CTNNBL1: variants seen among roughly 807,000 people sequenced by gnomAD.
CTNNBL1 encodes beta-catenin-like protein 1.
CTNNBL1 carries 31 observed loss-of-function variants against 72.7 expected under a neutral mutation model. The ratio of observed to expected loss-of-function variants is 0.43; its 90% CI spans 0.32 to 0.58. The LOEUF (loss-of-function observed/expected upper bound fraction) is 0.58. Ranked by LOEUF, CTNNBL1 falls within the 20% of genes least tolerant of loss-of-function variation. The pLI, the probability that CTNNBL1 is intolerant of heterozygous loss-of-function variation, is 0.08. For missense variants in CTNNBL1, 534 were observed against 725.1 expected, an observed-to-expected ratio of 0.74 and a Z score of 3.03; for synonymous variants, 240 against 267.3, an observed-to-expected ratio of 0.90 and a Z score of 1.00.
At chr20:37,860,976 G>T (rs963220947) in intron 15 of CTNNBL1, among the ~76,000 whole-genome samples, 1 of 152,206 alleles carries the variant, frequency 6.6e-6, no homozygotes, top group Non-Finnish European at 1.5e-5. Flanking sequence ...TCAGTACTGT[G>T]TGCAGTTTCA....
In CTNNBL1 at chr20:37,860,039, A is replaced by G. The variant is rs1488638377; in HGVS notation, c.1530+3A>G. 1.2e-5 allele frequency: 20 copies of G among 1,613,878 alleles called. No homozygotes were observed. The highest frequency in any genetic ancestry group is 7.7e-5 in the South Asian group (7 of 91,064). ...TCTGCAATGCCAATGTCCCCCAGGTAGGAGGGTCTTCCCCTGGATGGGCTT... is the reference window on the plus strand; with the variant it reads ...TCTGCAATGCCAATGTCCCCCAGGTGGGAGGGTCTTCCCCTGGATGGGCTT... On this transcript the variant is annotated splice_donor_region_variant and intron_variant, in intron 14 of 15. Transcript: ENST00000361383.
rs994469898 is a variant in CTNNBL1, at chr20:37,769,988, C to A, written c.750+1944C>A. On this transcript the variant is annotated intron_variant, in intron 7 of 15. Transcript: ENST00000361383. The stretch of plus-strand genomic sequence containing the variant: ...CCGTTTGTTCCCATTAAATCTGTAA[C>A]CTTGATTTACATAACATATTGGCCC... 2.0e-5 allele frequency among the ~76,000 whole-genome samples: 3 copies of A among 152,314 alleles called. No individual in the cohort carries two copies. The South Asian group carries it at 6.2e-4, about 32-fold the overall frequency.
intron 13 of CTNNBL1, among the ~76,000 whole-genome samples, chr20:37,845,770 T>G (rs911603287): frequency 6.6e-5 from 10 of 152,114 alleles, no homozygotes; most frequent in African/African-American, 2.4e-4. Flanking sequence ...TAGCAAATAT[T>G]TGTCGACTTG....
chr20:37,699,103 A>G (rs550248573), intron 1 of CTNNBL1, among the ~76,000 whole-genome samples: 2 of 152,318 alleles, frequency 1.3e-5, no homozygotes, highest in African/African-American at 2.4e-5. Context: ...TTTTATAGAC[A>G]TGAAAGATGC....
chr20:37,794,537 A>T (rs1194971669), intron 10 of CTNNBL1, among the ~76,000 whole-genome samples: 4 of 151,822 alleles, frequency 2.6e-5, no homozygotes, highest in African/African-American at 9.7e-5. Flanking sequence ...CTGTCACTCA[A>T]GCTGGAGTGC....
intron 10 of CTNNBL1, among the ~76,000 whole-genome samples, chr20:37,781,063 T>TA (rs1406283568): frequency 1.3e-5 from 2 of 152,146 alleles, no homozygotes; most frequent in African/African-American, 2.4e-5. Flanking sequence ...AAACAATTTT[T>TA]AAAAAAATGC....
At chr20:37,846,906 TA>T (rs2072351695) in intron 13 of CTNNBL1, among the ~76,000 whole-genome samples, 1 of 152,188 alleles carries the variant, frequency 6.6e-6, no homozygotes, top group Admixed American at 6.5e-5. Flanking sequence ...AACCTGTAAT[TA>T]TTTCATTTAT....
At chr20:37,739,810 A>C (rs185386663) in intron 3 of CTNNBL1, among the ~76,000 whole-genome samples, 3 of 152,320 alleles carry the variant, frequency 2.0e-5, no homozygotes, top group African/African-American at 7.2e-5. Context: ...GCCTTGCTGT[A>C]GGTGTTCAGT....
intron 4 of CTNNBL1, chr20:37,750,596 C>A (rs2073310390): frequency 6.6e-6 from 1 of 152,126 alleles, no homozygotes; most frequent in South Asian, 2.1e-4. Flanking sequence ...CAGATTTACT[C>A]AGTTGGCCCA....
chr20:37,708,701 G>T (rs1459515837), intron 1 of CTNNBL1, among the ~76,000 whole-genome samples: 1 of 152,184 alleles, frequency 6.6e-6, no homozygotes, highest in Admixed American at 6.5e-5. Flanking sequence ...GTTCAGTGAA[G>T]GATCTAGTGA....
chr20:37,777,668 C>G lies in CTNNBL1; in HGVS notation c.838C>G (p.Leu280Val). Residue 280 changes from leucine (L) to valine (V), a missense_variant, in exon 9 of 16, where the codon CTT (leucine) becomes GTT (valine). Transcript: ENST00000361383. ...LQDNDENREL[L>V]GELDGIDVLL... Reference sequence around the variant, plus strand: ...TTCCCCTTTAGAAAACAGGGAATTGCTTGGGGAGCTGGATGGAATCGATGT... The same window carrying G: ...TTCCCCTTTAGAAAACAGGGAATTGGTTGGGGAGCTGGATGGAATCGATGT... 6.2e-7 allele frequency: 1 copy of G among 1,613,464 alleles called. No homozygotes were observed. Among genetic ancestry groups the G allele is most frequent in the South Asian group, 1.1e-5 (1 of 91,050 alleles).
At chr20:37,835,896 A>C (rs1342590243) in intron 11 of CTNNBL1, among the ~76,000 whole-genome samples, 1 of 152,152 alleles carries the variant, frequency 6.6e-6, no homozygotes, top group Non-Finnish European at 1.5e-5. Flanking sequence ...GAAATGCAAA[A>C]TTTTCCCCCT....
intron 3 of CTNNBL1, among the ~76,000 whole-genome samples, chr20:37,741,078 A>C (rs993582587): frequency 2.6e-5 from 4 of 152,238 alleles, no homozygotes; most frequent in Non-Finnish European, 1.5e-5. Context: ...AAGCAAATGC[A>C]CATGGGCAGC....
At chr20:37,868,210 AGG>A (rs1348493709) in intron 15 of CTNNBL1, among the ~76,000 whole-genome samples, 1 of 151,994 alleles carries the variant, frequency 6.6e-6, no homozygotes, top group Non-Finnish European at 1.5e-5. Flanking sequence ...CCCAAAGACT[AGG>A]GGCCAGGCAG....
chr20:37,846,385 G>A (rs2072347547), intron 13 of CTNNBL1, among the ~76,000 whole-genome samples: 1 of 152,084 alleles, frequency 6.6e-6, no homozygotes, highest in Non-Finnish European at 1.5e-5. Flanking sequence ...CTTTATCCTG[G>A]TTCTCCGACT....
intron 10 of CTNNBL1, 38 bp from the exon 11 acceptor site, chr20:37,802,829 C>A (rs371602682): frequency 2.0e-6 from 3 of 1,537,520 alleles, no homozygotes; most frequent in Non-Finnish European, 2.7e-6. Context: ...TATAATTTCC[C>A]CATGAAATAC....
chr20:37,866,242 C>T (rs116033523), intron 15 of CTNNBL1, among the ~76,000 whole-genome samples: 1,887 of 152,342 alleles, frequency 0.012, 41 homozygotes, highest in African/African-American at 0.043. Flanking sequence ...TTGCTGCCCC[C>T]GGGCCTCACA....
intron 13 of CTNNBL1, among the ~76,000 whole-genome samples, chr20:37,855,106 CAAAAA>C (rs34429259): frequency 2.3e-5 from 3 of 130,816 alleles, no homozygotes; most frequent in South Asian, 2.5e-4. Context: ...TCTAATAAGC[CAAAAA>C]AAAAAAAAAA....
At chr20:37,824,703 C>G (rs2072142647) in intron 11 of CTNNBL1, among the ~76,000 whole-genome samples, 2 of 152,220 alleles carry the variant, frequency 1.3e-5, no homozygotes, top group South Asian at 4.1e-4. Flanking sequence ...TTCCTTCTGT[C>G]ATTCTATTCT....
Sources: allele counts gnomAD v4.1 joint callset (sites outside exome capture counted in the v4.1 genomes callset), GRCh38; gene constraint gnomAD v4.1.1; transcripts MANE v1.5; gene names NCBI Gene and HGNC (gene_info 2026-07-23, HGNC 2026-07-21).